Variants in PRDM8 observed in about 807,000 individuals in gnomAD.
The protein encoded by PRDM8 is PR/SET domain 8.
In PRDM8, 13 loss-of-function variants were observed where a neutral mutation model predicts 46.5. The observed-to-expected ratio is 0.28, with a 90% CI of 0.18 to 0.44. The LOEUF (loss-of-function observed/expected upper bound fraction) is 0.44, where lower values mean the gene tolerates loss of function less well. Among genes scored for constraint, PRDM8 ranks in the 20% least tolerant of loss-of-function variants. The pLI, the probability that PRDM8 is intolerant of heterozygous loss-of-function variation, is 1.00. For missense variants in PRDM8, 998 were observed against 955.0 expected, an observed-to-expected ratio of 1.04 and a Z score of -0.59; for synonymous variants, 473 against 438.4, an observed-to-expected ratio of 1.08 and a Z score of -0.98.
rs575741306 is a variant in PRDM8 at position 80,203,789 on chromosome 4, G to A, written c.*257G>A. On this transcript the variant is annotated 3_prime_UTR_variant, in exon 4 of 4. Transcript: ENST00000415738. ...ACACTCACACACAAGAGCCAGGATG[G>A]TGGAGTTTTGATTGGGTGGGTTGTT... The A allele has an allele frequency of 2.8e-6, 1 of 360,542 alleles. No individual in the cohort carries two copies. The highest frequency in any genetic ancestry group is 6.0e-5 in the South Asian group (1 of 16,750). 22.3% of individuals were successfully genotyped at this position (360,542 alleles called of 1,614,324 possible). A position where few individuals can be genotyped will look rare whatever the true frequency, so the allele number is the denominator to read the frequency against.
chr4:80,188,159 G>C (rs1005864712), intron 1 of PRDM8, among the ~76,000 whole-genome samples: 22 of 152,080 alleles, frequency 1.4e-4, no homozygotes, highest in African/African-American at 5.3e-4. Flanking sequence ...TTTGCATCTT[G>C]TTTCTCTCCA....
intron 1 of PRDM8, among the ~76,000 whole-genome samples, chr4:80,187,558 G>T (rs892827447): frequency 5.3e-5 from 8 of 152,112 alleles, no homozygotes; most frequent in Admixed American, 1.3e-4. Flanking sequence ...AGGTTTGGGG[G>T]ATATACAGAG....
intron 1 of PRDM8, chr4:80,190,037 T>C (rs529176654): frequency 1.3e-5 from 2 of 152,360 alleles, no homozygotes; most frequent in African/African-American, 4.8e-5. Context: ...AGGCAGCTCT[T>C]GCCAGCTTTT....
At position 80,202,357 on chromosome 4, in the gene PRDM8, G is replaced by A; in HGVS notation, c.895G>A (p.Glu299Lys). The A allele has an allele frequency of 6.2e-7, 1 of 1,601,310 alleles. No homozygotes were observed. Among genetic ancestry groups the A allele is most frequent in the South Asian group, 1.1e-5 (1 of 90,252 alleles). The change falls in exon 4 of 4, where the codon GAG (glutamate) becomes AAG (lysine). Residue 299 changes from glutamate to lysine, a missense_variant. Physicochemically the swap from Glu to Lys is moderately conservative, Grantham distance 56 (BLOSUM62 1). Coordinates refer to ENST00000415738, the MANE Select transcript of PRDM8 (RefSeq NM_001099403.2). ...SGGGGGHQEAELSPDGIATGG... is the reference protein window; with the variant it reads ...SGGGGGHQEAKLSPDGIATGG... ...CGGCGGCGGCGGCCACCAGGAGGCG[G>A]AGCTGAGTCCCGACGGCATCGCCAC... is the stretch of plus-strand genomic sequence containing the variant.
At chr4:80,191,427 C>T (rs1737533189) in intron 1 of PRDM8, 1 of 151,090 alleles carries the variant, frequency 6.6e-6, no homozygotes, top group African/African-American at 2.5e-5. Flanking sequence ...CTTTAAACTT[C>T]CTTAAAAGGA....
At position 80,190,249 on chromosome 4, in the gene PRDM8, G is replaced by C. The variant is rs1737440005; in HGVS notation, c.-982-1223G>C. ...CTTGGAACGCCTTTCCGCAGGTTAAGTGGTCACCTAGCGGGAAGCAAGTGA... is the reference window on the plus strand; with the variant it reads ...CTTGGAACGCCTTTCCGCAGGTTAACTGGTCACCTAGCGGGAAGCAAGTGA... On this transcript the variant is annotated intron_variant, in intron 1 of 9. Coordinates refer to the PRDM8 transcript ENST00000339711. The C allele has an allele frequency of 3.9e-5, 6 of 152,406 alleles. No individual in the cohort carries two copies. The South Asian group carries it at 1.2e-3, about 32-fold the overall frequency. 9.4% of individuals were successfully genotyped at this position (152,406 alleles called of 1,614,324 possible).
Position 80,202,209 on chromosome 4 carries a change from C to G in PRDM8, c.747C>G (p.Ala249=), listed in dbSNP as rs1578263531. Residue 249 remains alanine, a synonymous_variant, in exon 4 of 4, where the codon GCC becomes GCG. Coordinates refer to ENST00000415738, the MANE Select transcript of PRDM8 (RefSeq NM_001099403.2). ...PSPESSNPSA[A]AGGSSAKPST... ...CGGAAAGCAGCAACCCATCCGCTGC[C>G]GCCGGCGGCAGCAGCGCGAAGCCAT... 1 of 1,612,060 alleles carries G rather than the reference C, an allele frequency of 6.2e-7. No individual in the cohort carries two copies. The highest frequency in any genetic ancestry group is 8.5e-7 in the Non-Finnish European group (1 of 1,179,764).
intron 1 of PRDM8, among the ~76,000 whole-genome samples, chr4:80,186,430 GGAGAGAGAGA>G (rs70944766): frequency 1.5e-5 from 2 of 129,920 alleles, no homozygotes; most frequent in African/African-American, 5.7e-5. Flanking sequence ...AAGGCAGGGT[GGAGAGAGAGA>G]GAGAGAGAGA....
At chr4:80,191,728 C>T (rs1737563073) in intron 2 of PRDM8, among the ~76,000 whole-genome samples, 1 of 152,190 alleles carries the variant, frequency 6.6e-6, no homozygotes, top group Non-Finnish European at 1.5e-5. Flanking sequence ...TGAAAACTAA[C>T]ACCTCTTCAT....
Position 80,203,412 on chromosome 4 carries a change from G to T in PRDM8, c.1950G>T (p.Lys650Asn). The T allele has an allele frequency of 6.2e-7, 1 of 1,613,848 alleles. No homozygotes were observed. The highest frequency in any genetic ancestry group is 8.5e-7 in the Non-Finnish European group (1 of 1,179,958). ...LVYHMRSHHK[K>N]EYAMEPLVKR... ...ACCATATGAGGTCGCACCACAAAAAGGAGTATGCGATGGAGCCCTTGGTGA... is the reference window on the plus strand; with the variant it reads ...ACCATATGAGGTCGCACCACAAAAATGAGTATGCGATGGAGCCCTTGGTGA... The change falls in exon 4 of 4, where the codon AAG becomes AAT. Residue 650 changes from lysine (K) to asparagine (N), a missense_variant. Coordinates refer to ENST00000415738, the MANE Select transcript of PRDM8 (RefSeq NM_001099403.2).
rs776091682 is a variant in PRDM8, at chr4:80,203,112, G to C, written c.1650G>C (p.Gln550His). 7.6e-6 allele frequency: 12 copies of C among 1,569,152 alleles called. No individual in the cohort carries two copies. In the Admixed American group the frequency reaches 1.2e-4, roughly 16 times the overall value. Residue 550 changes from glutamine to histidine, a missense_variant, in exon 4 of 4, where the codon CAG becomes CAC. Gln to His is a conservative substitution (Grantham distance 24, BLOSUM62 0). Transcript: ENST00000415738. The stretch of plus-strand genomic sequence containing the variant: ...CGGACCCTCTAGCGGTGAAGCTCCA[G>C]GGGGCCGCGGACCTGAACGGAGGTT... ...AAADPLAVKL[Q>H]GAADLNGGCG... is the part of the protein sequence containing the mutation.
Position 80,203,564 on chromosome 4 carries a change from G to T in PRDM8, c.*32G>T. The T allele has an allele frequency of 5.7e-6, 9 of 1,572,616 alleles. No homozygotes were observed. Among genetic ancestry groups the T allele is most frequent in the Non-Finnish European group, 7.8e-6 (9 of 1,158,214 alleles). ...AAGGACCCCAGCTTTCCACGCGCGCGCAAGCACAGTTAAGCCACCTGCAGG... is the reference window on the plus strand; with the variant it reads ...AAGGACCCCAGCTTTCCACGCGCGCTCAAGCACAGTTAAGCCACCTGCAGG... On this transcript the variant is annotated 3_prime_UTR_variant, in exon 4 of 4. Transcript: ENST00000415738.
At chr4:80,199,940 T>C in intron 1 of PRDM8, 139 bp from the exon 2 acceptor site, 1 of 647,130 alleles carries the variant, frequency 1.5e-6, no homozygotes, top group South Asian at 1.9e-5. Flanking sequence ...TTTATCTGCT[T>C]TAATTTTGAA....
rs61999345 is a variant in PRDM8, at chr4:80,201,534, G to T, written c.451+13G>T. The T allele has an allele frequency of 1.7e-3, 2,765 of 1,610,092 alleles. 39 individuals are homozygous for T. In the African/African-American group the frequency reaches 0.03, roughly 17 times the overall value. ...AACAAAATGAATGGTAGGTTGGCTC[G>T]CGACCGGCGTGTGGGCCCTTAACTA... On this transcript the variant is annotated intron_variant, in intron 3 of 3. Transcript: ENST00000415738.
intron 3 of PRDM8, 90 bp downstream of exon 3, chr4:80,201,611 C>T: frequency 7.7e-7 from 1 of 1,293,794 alleles, no homozygotes. Context: ...CGTTGGCGCG[C>T]CTTTCTTCCC....
At chr4:80,195,959 A>AGAGAGAGAGAGAGAGAGAGAG (rs1293897148), upstream of PRDM8, 5 of 543,200 alleles carry the variant, frequency 9.2e-6, no homozygotes, top group African/African-American at 2.1e-5. Context: ...AGAGAGAGAG[A>AGAGAGAGAGAGAGAGAGAGAG]ACAAGGAAGA....
intron 2 of PRDM8, 60 bp downstream of exon 2, chr4:80,200,359 A>G (rs1738347764): frequency 2.8e-6 from 4 of 1,426,140 alleles, no homozygotes; most frequent in East Asian, 2.3e-5. Context: ...GAAATGGACT[A>G]AAAATAATTA....
chr4:80,199,640 A>G (rs1280664008), intron 1 of PRDM8, among the ~76,000 whole-genome samples: 5 of 151,922 alleles, frequency 3.3e-5, no homozygotes, highest in Admixed American at 3.3e-4. Flanking sequence ...CCCAAGGGTT[A>G]GAAGTTTCTT....
Position 80,203,340 on chromosome 4 carries a change from G to C in PRDM8, c.1878G>C (p.Trp626Cys). The C allele has an allele frequency of 6.2e-7, 1 of 1,613,952 alleles. No homozygotes were observed. The highest frequency in any genetic ancestry group is 8.5e-7 in the Non-Finnish European group (1 of 1,179,988). Residue 626 changes from tryptophan (W) to cysteine (C), a missense_variant, in exon 4 of 4, where the codon TGG (tryptophan) becomes TGC (cysteine). Physicochemically the swap from Trp to Cys is radical, Grantham distance 215. Transcript: ENST00000415738. Reference sequence around the variant, plus strand: ...CGCTGTGTCTGCCCGCGCAGAACTGGTGCGCCAAGTGCAATGCCTCCTTCC... The same window carrying C: ...CGCTGTGTCTGCCCGCGCAGAACTGCTGCGCCAAGTGCAATGCCTCCTTCC... ...FTSLCLPAQNWCAKCNASFRM... is the reference protein window; with the variant it reads ...FTSLCLPAQNCCAKCNASFRM...
Sources: gnomAD v4.1 joint callset for allele counts (sites outside exome capture counted in the v4.1 genomes callset) on GRCh38, gnomAD v4.1.1 for gene constraint, MANE v1.5 for transcripts, NCBI Gene and HGNC (gene_info 2026-07-23, HGNC 2026-07-21) for gene names.